The following APOLD1 variants were observed in gnomAD, a reference collection of about 807,000 sequenced individuals.
APOLD1 encodes apolipoprotein L domain containing 1, also known as apolipoprotein L domain-containing protein 1.
In APOLD1, 22 loss-of-function variants were observed where a neutral mutation model predicts 15.3. The observed-to-expected ratio is 1.44, with a 90% CI of 1.03 to 2.05. The LOEUF (loss-of-function observed/expected upper bound fraction) is 2.05, where lower values mean the gene tolerates loss of function less well. Among genes scored for constraint, APOLD1 ranks in the 30% most tolerant of loss-of-function variants. The pLI, the probability that APOLD1 is intolerant of heterozygous loss-of-function variation, is 0.00. For synonymous variants in APOLD1, 190 were observed against 167.4 expected (o/e 1.13, Z -1.04); for missense variants, 394 against 353.5 (o/e 1.11, Z -0.92).
At chr12:12,774,263 G>C (rs1195290284) in intron 1 of APOLD1, among the ~76,000 whole-genome samples, 1 of 152,006 alleles carries the variant, frequency 6.6e-6, no homozygotes. Flanking sequence ...AAAAGAACCT[G>C]GACGGGTGTG....
rs1592284964 is a variant in APOLD1 at position 12,726,028 on chromosome 12, C to G, written c.28C>G (p.Arg10Gly). 6.6e-6 allele frequency: 10 copies of G among 1,525,468 alleles called. No homozygotes were observed. The East Asian group carries it at 2.6e-4, about 39-fold the overall frequency. 94.5% of individuals were successfully genotyped at this position (1,525,468 alleles called of 1,614,324 possible). A position where few individuals can be genotyped will look rare whatever the true frequency, so the allele number is the denominator to read the frequency against. Residue 10 changes from arginine to glycine, a missense_variant, in exon 1 of 2, where the codon CGG (arginine) becomes GGG (glycine). Coordinates refer to the APOLD1 transcript ENST00000326765. ...GTTCCGCGCGCCGTGTCACCGGCTG[C>G]GGGCCAGGGGTACTCGGAAGGCGCG...
chr12:12,729,911 A>G (rs909154995), intron 1 of APOLD1, among the ~76,000 whole-genome samples: 1 of 151,954 alleles, frequency 6.6e-6, no homozygotes, highest in East Asian at 1.9e-4. Context: ...TCTGTTACCT[A>G]GGCTGGAGTG....
At chr12:12,783,037 C>T (rs1454434976), upstream of APOLD1, among the ~76,000 whole-genome samples, 1 of 151,882 alleles carries the variant, frequency 6.6e-6, no homozygotes, top group Non-Finnish European at 1.5e-5. Context: ...GAAACCCCGT[C>T]TCTACTAAAA....
intron 1 of APOLD1, among the ~76,000 whole-genome samples, chr12:12,773,011 C>T (rs1037490670): frequency 4.0e-5 from 6 of 151,644 alleles, no homozygotes; most frequent in African/African-American, 7.3e-5. Flanking sequence ...CCCAGGAGTT[C>T]GAGGTTATAG....
At chr12:12,730,193 C>T (rs2136366828) in intron 1 of APOLD1, among the ~76,000 whole-genome samples, 1 of 152,034 alleles carries the variant, frequency 6.6e-6, no homozygotes, top group Admixed American at 6.5e-5. Context: ...AAATTACAGG[C>T]ATGAGCCATC....
exon 1 of APOLD1, chr12:12,725,969 G>A (rs1459044017): frequency 6.9e-7 from 1 of 1,448,062 alleles, no homozygotes; most frequent in Non-Finnish European, 9.2e-7. Context: ...GCAGCTTCGC[G>A]GGGACAGAGA....
At chr12:12,767,856 G>C (rs919614354) in intron 1 of APOLD1, among the ~76,000 whole-genome samples, 1 of 151,740 alleles carries the variant, frequency 6.6e-6, no homozygotes, top group African/African-American at 2.4e-5. Context: ...TGTGATCTCG[G>C]CTCACTGAAA....
intron 1 of APOLD1, among the ~76,000 whole-genome samples, chr12:12,778,167 C>A (rs938456598): frequency 1.3e-5 from 2 of 151,832 alleles, no homozygotes; most frequent in African/African-American, 4.8e-5. Context: ...TGAGCTCAAG[C>A]AGTCCGCCAG....
chr12:12,772,506 G>A (rs574141679), intron 1 of APOLD1, among the ~76,000 whole-genome samples: 1 of 152,314 alleles, frequency 6.6e-6, no homozygotes, highest in African/African-American at 2.4e-5. Flanking sequence ...GACAGAACTG[G>A]AAGGATAAAT....
At chr12:12,728,690 A>AAGAG (rs1555087038) in intron 1 of APOLD1, among the ~76,000 whole-genome samples, 9 of 139,330 alleles carry the variant, frequency 6.5e-5, no homozygotes, top group African/African-American at 2.0e-4. Flanking sequence ...AAAAAAAAAA[A>AAGAG]AGAGAGAGAA....
At chr12:12,731,766 T>G (rs1362050066) in intron 1 of APOLD1, among the ~76,000 whole-genome samples, 1 of 152,244 alleles carries the variant, frequency 6.6e-6, no homozygotes, top group Non-Finnish European at 1.5e-5. Context: ...GCCATTATTC[T>G]TTCTTGACAG....
At chr12:12,763,006 G>A (rs1024615762) in intron 1 of APOLD1, among the ~76,000 whole-genome samples, 1 of 152,008 alleles carries the variant, frequency 6.6e-6, no homozygotes, top group African/African-American at 2.4e-5. Context: ...AAAGCCGGGT[G>A]TAGTAGTCCC....
intron 1 of APOLD1, chr12:12,726,334 A>C: frequency 1.6e-6 from 1 of 624,528 alleles, no homozygotes; most frequent in Non-Finnish European, 2.9e-6. Flanking sequence ...AACAAACTCA[A>C]GATACGAAAT....
Position 12,787,252 on chromosome 12 carries a change from A to G in APOLD1, c.347A>G (p.Glu116Gly). 6.3e-7 allele frequency: 1 copy of G among 1,582,364 alleles called. No individual in the cohort carries two copies. The change falls in exon 2 of 2, where the codon GAG becomes GGG. Residue 116 changes from glutamate (E) to glycine (G), a missense_variant. By Grantham distance (98) the Glu-to-Gly change is moderately conservative. Transcript: ENST00000356591. This position sits in a 1 kb window ranked among gnomAD's most constrained non-coding sequence, Gnocchi z 4.9. ...DLSLIFCNSR[E>G]LRRVQEIAAT... ...TCGCTGATCTTCTGCAACTCCCGGG[A>G]GCTGCGGAGGGTGCAGGAGATCGCG... is the stretch of plus-strand genomic sequence containing the variant.
At chr12:12,753,262 G>T (rs886534413) in intron 1 of APOLD1, among the ~76,000 whole-genome samples, 8 of 152,180 alleles carry the variant, frequency 5.3e-5, no homozygotes, top group Admixed American at 1.3e-4. Context: ...AGAAGATTAG[G>T]TCTTTTCAAT....
In APOLD1 at chr12:12,755,326, C is replaced by CA. The variant is rs200635120; in HGVS notation, c.96+29239dup. Among the ~76,000 whole-genome samples, 1,320 of 147,372 alleles carry CA rather than the reference C, an allele frequency of 9.0e-3. 14 individuals are homozygous for CA. The highest frequency in any genetic ancestry group is 0.031 in the East Asian group (157 of 5,042). ...ATTCAAAATGAACAGCAATTTTTAGCAAAAAAAAAGGATAATATTTTTATG... is the reference window on the plus strand; with the variant it reads ...ATTCAAAATGAACAGCAATTTTTAGCAAAAAAAAAAGGATAATATTTTTATG... On this transcript the variant is annotated intron_variant, in intron 1 of 1. Coordinates refer to the APOLD1 transcript ENST00000326765.
chr12:12,763,401 A>T (rs1261063261), intron 1 of APOLD1, among the ~76,000 whole-genome samples: 1 of 152,210 alleles, frequency 6.6e-6, no homozygotes, highest in Non-Finnish European at 1.5e-5. Flanking sequence ...TATTAAAAAA[A>T]GTGTAGTATT....
At chr12:12,770,567 G>A (rs1449475642) in intron 1 of APOLD1, among the ~76,000 whole-genome samples, 12 of 119,272 alleles carry the variant, frequency 1.0e-4, no homozygotes, top group African/African-American at 1.6e-4. Context: ...AAAAAAGACT[G>A]AAAAAAAAAA....
rs530273683 is a variant in APOLD1 at position 12,770,137 on chromosome 12, C to T, written c.97-16772C>T. Among the ~76,000 whole-genome samples the T allele has an allele frequency of 1.1e-3, 162 of 152,212 alleles. 1 individual carries two copies. The highest frequency in any genetic ancestry group is 6.8e-3 in the Middle Eastern group (2 of 294). ...AAAGAAATGTTAGAGAGGCCGGGGG[C>T]GGTGGCTCACGTCTGTAATCCCAGC... On this transcript the variant is annotated intron_variant, in intron 1 of 1. Coordinates refer to the APOLD1 transcript ENST00000326765.
Sources: gnomAD v4.1 joint callset for allele counts (sites outside exome capture counted in the v4.1 genomes callset) on GRCh38, gnomAD v4.1.1 for gene constraint, Gnocchi (gnomAD v3.1) non-coding constraint, MANE v1.5 for transcripts, NCBI Gene and HGNC (gene_info 2026-07-23, HGNC 2026-07-21) for gene names.